AHRR: variants seen among roughly 807,000 people sequenced by gnomAD.
AHRR encodes aryl hydrocarbon receptor repressor.
AHRR carries 28 observed loss-of-function variants against 44.0 expected under a neutral mutation model. The ratio of observed to expected loss-of-function variants is 0.64; its 90% CI spans 0.47 to 0.87. The LOEUF (loss-of-function observed/expected upper bound fraction) is 0.87. Ranked by LOEUF, AHRR falls within the 40% of genes least tolerant of loss-of-function variation. The pLI, the probability that AHRR is intolerant of heterozygous loss-of-function variation, is 0.00. For missense variants in AHRR, 990 were observed against 953.9 expected, an observed-to-expected ratio of 1.04 and a Z score of -0.50; for synonymous variants, 434 against 407.0, an observed-to-expected ratio of 1.07 and a Z score of -0.80.
chr5:400,668 C>CA (rs1734977049), intron 4 of AHRR, among the ~76,000 whole-genome samples: 1 of 152,120 alleles, frequency 6.6e-6, no homozygotes, highest in African/African-American at 2.4e-5. Context: ...AAGTATTTGG[C>CA]ATGACAATGC....
intron 5 of AHRR, chr5:420,816 C>G (rs369048511): frequency 1.4e-5 from 1 of 71,460 alleles, no homozygotes; most frequent in Non-Finnish European, 2.5e-5. Flanking sequence ...CAGCCACCCA[C>G]CCACGCAGCC....
chr5:428,089 T>C, intron 8 of AHRR, 83 bp downstream of exon 8: 3 of 1,419,576 alleles, frequency 2.1e-6, no homozygotes, highest in Non-Finnish European at 2.9e-6. Flanking sequence ...GTTTTCTGTG[T>C]CTTCTTTCTT....
chr5:413,276 G>A (rs966076739), intron 4 of AHRR, 68 bp from the exon 5 acceptor site: 69 of 1,153,716 alleles, frequency 6.0e-5, no homozygotes, highest in Admixed American at 1.5e-4. Context: ...TTAAGCAAAG[G>A]ATTCTTGCAC....
At chr5:351,635 A>G (rs1742862548) in intron 2 of AHRR, among the ~76,000 whole-genome samples, 1 of 152,230 alleles carries the variant, frequency 6.6e-6, no homozygotes. Flanking sequence ...GGTTTCCTTC[A>G]AGGTTGGAAC....
chr5:427,761 A>G, intron 7 of AHRR, 46 bp from the exon 8 acceptor site: 1 of 1,611,938 alleles, frequency 6.2e-7, no homozygotes, highest in Non-Finnish European at 8.5e-7. Flanking sequence ...CCACCTTGCC[A>G]GGCCACTTGG....
At position 395,329 on chromosome 5, in the gene AHRR, C is replaced by G. The variant is rs867140301; in HGVS notation, c.352-18015C>G. ...CGGTGGTGGGATGCAGTTAGCTGAA[C>G]GCCAGGCTGAGCAGGGTCCGAAAAT... On this transcript the variant is annotated intron_variant, in intron 4 of 10. Coordinates refer to ENST00000684583, the MANE Select transcript of AHRR (RefSeq NM_001377236.1). This position sits in a 1 kb window ranked among gnomAD's most constrained non-coding sequence, Gnocchi z 5.3. Among the ~76,000 whole-genome samples, 1 of 152,186 alleles carries G rather than the reference C, an allele frequency of 6.6e-6. No homozygotes were observed. Among genetic ancestry groups the G allele is most frequent in the African/African-American group, 2.4e-5 (1 of 41,452 alleles).
chr5:369,004 T>C (rs1743470634), intron 3 of AHRR, among the ~76,000 whole-genome samples: 1 of 152,164 alleles, frequency 6.6e-6, no homozygotes, highest in African/African-American at 2.4e-5. Flanking sequence ...GTGAAATGAG[T>C]GTGTTTATTT....
At chr5:366,050 A>G (rs919001276) in intron 3 of AHRR, among the ~76,000 whole-genome samples, 1 of 151,648 alleles carries the variant, frequency 6.6e-6, no homozygotes, top group Non-Finnish European at 1.5e-5. Context: ...ATGTGTGTAC[A>G]CTCACCTTCC....
At chr5:397,439 C>T (rs1250078622) in intron 4 of AHRR, among the ~76,000 whole-genome samples, 1 of 113,596 alleles carries the variant, frequency 8.8e-6, no homozygotes. Context: ...CCACGTAGCT[C>T]CTGACCATCC....
chr5:351,732 T>C (rs755445255), intron 2 of AHRR, among the ~76,000 whole-genome samples: 2 of 152,190 alleles, frequency 1.3e-5, no homozygotes, highest in Non-Finnish European at 2.9e-5. Context: ...TCATGTTATG[T>C]GGATTATATC....
chr5:340,684 ATATATT>A (rs1275079652), intron 1 of AHRR, among the ~76,000 whole-genome samples: 5 of 26,152 alleles, frequency 1.9e-4, no homozygotes, highest in African/African-American at 1.3e-3. Flanking sequence ...ATATATATAT[ATATATT>A]TTTTTTTTTT....
chr5:427,697 T>C (rs1285029881), intron 7 of AHRR, 110 bp from the exon 8 acceptor site: 2 of 1,614,016 alleles, frequency 1.2e-6, no homozygotes, highest in Non-Finnish European at 1.7e-6. Flanking sequence ...CATGGTGAGC[T>C]GCCTCCCTAC....
intron 7 of AHRR, among the ~76,000 whole-genome samples, chr5:426,147 T>TA (rs1295803008): frequency 6.6e-6 from 1 of 152,208 alleles, no homozygotes; most frequent in Non-Finnish European, 1.5e-5. Flanking sequence ...CCCCACCAAT[T>TA]ATGTGACTGC....
intron 4 of AHRR, among the ~76,000 whole-genome samples, chr5:398,496 A>C (rs1179944951): frequency 1.3e-5 from 2 of 152,142 alleles, no homozygotes; most frequent in East Asian, 1.9e-4. Flanking sequence ...ACAGAGTTCT[A>C]TTCAGTGGTG....
In AHRR at chr5:419,289, T is replaced by C. The variant is rs1448134165; in HGVS notation, c.442-3440T>C. ...AAGCAAGTCTCCTGCCTCAGCCTCC[T>C]GAGTAGCTGAGATTACAGGTGTGTG... On this transcript the variant is annotated intron_variant, in intron 5 of 10. Coordinates refer to ENST00000684583, the MANE Select transcript of AHRR (RefSeq NM_001377236.1). This position sits in a 1 kb window ranked among gnomAD's most constrained non-coding sequence, Gnocchi z 4.4. Among the ~76,000 whole-genome samples the C allele has an allele frequency of 2.0e-5, 3 of 151,934 alleles. No homozygotes were observed. Among genetic ancestry groups the C allele is most frequent in the Non-Finnish European group, 4.4e-5 (3 of 67,988 alleles).
chr5:375,665 A>C (rs569679772), intron 3 of AHRR, among the ~76,000 whole-genome samples: 58 of 152,188 alleles, frequency 3.8e-4, no homozygotes, highest in Non-Finnish European at 7.4e-4. Flanking sequence ...GAGACGCGGG[A>C]GCAGCAGATG....
chr5:408,383 T>C (rs1268076022), intron 4 of AHRR, among the ~76,000 whole-genome samples: 1 of 104,344 alleles, frequency 9.6e-6, no homozygotes, highest in Non-Finnish European at 1.8e-5. Flanking sequence ...TTCCTGAGCC[T>C]TTTTTTTTTT....
In AHRR at chr5:437,677, G is replaced by C. The variant is rs1040543471; in HGVS notation, c.*2843G>C. Reference sequence around the variant, plus strand: ...CTCCTGGTGACAGGTGCCAGATTGAGTGGTGGGTTGCTGCCAGGCAGGCCA... The same window carrying C: ...CTCCTGGTGACAGGTGCCAGATTGACTGGTGGGTTGCTGCCAGGCAGGCCA... On this transcript the variant is annotated 3_prime_UTR_variant, in exon 11 of 11. Transcript: ENST00000684583. The C allele has an allele frequency of 6.6e-6, 1 of 152,424 alleles. No homozygotes were observed. Among genetic ancestry groups the C allele is most frequent in the African/African-American group, 2.4e-5 (1 of 41,466 alleles). 9.4% of individuals were successfully genotyped at this position (152,424 alleles called of 1,614,324 possible). A position where few individuals can be genotyped will look rare whatever the true frequency, so the allele number is the denominator to read the frequency against.
At chr5:359,991 T>C (rs1053795874) in intron 3 of AHRR, among the ~76,000 whole-genome samples, 1 of 152,242 alleles carries the variant, frequency 6.6e-6, no homozygotes, top group Non-Finnish European at 1.5e-5. Flanking sequence ...TACCTTTTCC[T>C]TGATGATCTT....
Sources: gnomAD v4.1 joint callset for allele counts (sites outside exome capture counted in the v4.1 genomes callset) on GRCh38, gnomAD v4.1.1 for gene constraint, Gnocchi (gnomAD v3.1) non-coding constraint, MANE v1.5 for transcripts, NCBI Gene and HGNC (gene_info 2026-07-23, HGNC 2026-07-21) for gene names.